MRPL13: variants seen among roughly 807,000 people sequenced by gnomAD.
The protein encoded by MRPL13 is mitochondrial ribosomal protein L13.
Under a neutral mutation model 29.0 loss-of-function variants are expected in MRPL13, and 33 were observed. That is an observed-to-expected ratio of 1.14 (90% CI 0.86 to 1.52). The LOEUF is 1.52. Ranked by LOEUF, MRPL13 falls within the 40% of genes most tolerant of loss-of-function variation. The pLI is 0.00. For synonymous variants in MRPL13, 77 were observed against 68.4 expected (o/e 1.13, Z -0.62); for missense variants, 227 against 216.7 (o/e 1.05, Z -0.30).
At chr8:120,418,388 C>G (rs928534847) in intron 5 of MRPL13, among the ~76,000 whole-genome samples, 5 of 152,022 alleles carry the variant, frequency 3.3e-5, no homozygotes, top group Admixed American at 2.0e-4. Context: ...ATTGCTGGAT[C>G]AAGGATCAAT....
At chr8:120,422,078 T>C (rs1812879769) in intron 4 of MRPL13, among the ~76,000 whole-genome samples, 1 of 151,860 alleles carries the variant, frequency 6.6e-6, no homozygotes, top group Non-Finnish European at 1.5e-5. Flanking sequence ...AAAACAGATA[T>C]AAACAATACA....
intron 6 of MRPL13, among the ~76,000 whole-genome samples, chr8:120,398,890 T>C (rs1453578092): frequency 2.0e-5 from 3 of 151,902 alleles, no homozygotes; most frequent in African/African-American, 7.2e-5. Flanking sequence ...AGACCAAGTA[T>C]CTTTCTCAAA....
chr8:120,421,644 C>A (rs1197255811), intron 4 of MRPL13, among the ~76,000 whole-genome samples: 2 of 151,764 alleles, frequency 1.3e-5, no homozygotes, highest in African/African-American at 4.8e-5. Flanking sequence ...AAATTAAAAT[C>A]CTTTAATGAG....
At chr8:120,432,232 T>C in intron 2 of MRPL13, 109 bp from the exon 3 acceptor site, 1 of 749,018 alleles carries the variant, frequency 1.3e-6, no homozygotes, top group Non-Finnish European at 2.0e-6. Context: ...TATTAAAAAA[T>C]AAAAAGCAAG....
chr8:120,433,145 G>A (rs1270532544), intron 2 of MRPL13, among the ~76,000 whole-genome samples: 4 of 152,030 alleles, frequency 2.6e-5, no homozygotes, highest in Non-Finnish European at 5.9e-5. Flanking sequence ...GAAAGACCTG[G>A]GAAGCTTGCT....
chr8:120,434,706 T>C (rs1261076126), intron 2 of MRPL13, among the ~76,000 whole-genome samples: 1 of 152,102 alleles, frequency 6.6e-6, no homozygotes, highest in East Asian at 1.9e-4. Flanking sequence ...TACTTCCCCA[T>C]GTACCAGCTC....
chr8:120,435,634 T>C (rs181641411), intron 2 of MRPL13, among the ~76,000 whole-genome samples: 6 of 152,270 alleles, frequency 3.9e-5, no homozygotes, highest in Admixed American at 3.9e-4. Flanking sequence ...TGATGACGTA[T>C]CTTTGCTATT....
At chr8:120,413,429 CT>C (rs774969774) in intron 6 of MRPL13, among the ~76,000 whole-genome samples, 1 of 152,080 alleles carries the variant, frequency 6.6e-6, no homozygotes, top group South Asian at 2.1e-4. Flanking sequence ...GAAGGACTGC[CT>C]GAGGAAGTTA....
intron 6 of MRPL13, among the ~76,000 whole-genome samples, chr8:120,403,936 C>T (rs1812635255): frequency 6.6e-6 from 1 of 152,140 alleles, no homozygotes. Context: ...TATGCTTTGC[C>T]ATATCAGCCA....
intron 3 of MRPL13, among the ~76,000 whole-genome samples, chr8:120,425,684 A>C (rs979525814): frequency 1.3e-5 from 2 of 152,190 alleles, no homozygotes; most frequent in African/African-American, 4.8e-5. Context: ...AAGAAATAGA[A>C]ACAAGCCAGA....
At chr8:120,404,279 T>C (rs1812639928) in intron 6 of MRPL13, among the ~76,000 whole-genome samples, 1 of 152,250 alleles carries the variant, frequency 6.6e-6, no homozygotes, top group South Asian at 2.1e-4. Flanking sequence ...GAATTAAATG[T>C]GTTTAGTCAC....
At chr8:120,430,473 A>G (rs1812985702) in intron 3 of MRPL13, among the ~76,000 whole-genome samples, 1 of 152,326 alleles carries the variant, frequency 6.6e-6, no homozygotes, top group East Asian at 1.9e-4. Flanking sequence ...ATACAGTGTT[A>G]TGAGCATAAT....
intron 3 of MRPL13, among the ~76,000 whole-genome samples, chr8:120,426,987 C>T (rs1026979613): frequency 6.6e-6 from 1 of 152,080 alleles, no homozygotes; most frequent in Admixed American, 6.6e-5. Flanking sequence ...ATTCAACCAA[C>T]CCCTAAAAAA....
chr8:120,435,577 T>C (rs1250061708), intron 2 of MRPL13, among the ~76,000 whole-genome samples: 3 of 152,210 alleles, frequency 2.0e-5, no homozygotes, highest in Non-Finnish European at 4.4e-5. Flanking sequence ...ATGGTGTATA[T>C]GTACCACATT....
chr8:120,423,176 G>C (rs1812892958), intron 4 of MRPL13, among the ~76,000 whole-genome samples: 1 of 151,894 alleles, frequency 6.6e-6, no homozygotes, highest in Admixed American at 6.6e-5. Context: ...AATCAGATTA[G>C]ACACAGGTGA....
rs775224954 is a variant in MRPL13 at position 120,414,001 on chromosome 8, A to G, written c.505T>C (p.Leu169=). 9.6e-6 allele frequency: 15 copies of G among 1,558,332 alleles called. No homozygotes were observed. Among genetic ancestry groups the G allele is most frequent in the Non-Finnish European group, 1.3e-5 (15 of 1,159,344 alleles). ...AAGGGAAACACTTACGGAGTCCACAATCTTGGGAAGGCGTCTATTTCTTCT... is the reference window on the plus strand; with the variant it reads ...AAGGGAAACACTTACGGAGTCCACAGTCTTGGGAAGGCGTCTATTTCTTCT... ...TQEEIDAFPR[L]WTPPEDYRL The change falls in exon 6 of 7, where the codon TTG becomes CTG. Residue 169 remains leucine, a synonymous_variant. Transcript: ENST00000306185.
intron 2 of MRPL13, among the ~76,000 whole-genome samples, chr8:120,433,007 A>G (rs576661296): frequency 6.6e-6 from 1 of 152,242 alleles, no homozygotes; most frequent in African/African-American, 2.4e-5. Context: ...GATTCTATGC[A>G]GAGCCCTAAA....
intron 5 of MRPL13, among the ~76,000 whole-genome samples, chr8:120,418,877 C>T (rs1015120697): frequency 6.6e-6 from 1 of 151,958 alleles, no homozygotes; most frequent in Non-Finnish European, 1.5e-5. Flanking sequence ...GACAATAAAT[C>T]AATCATTTTG....
At chr8:120,403,852 ACT>A (rs899122552) in intron 6 of MRPL13, among the ~76,000 whole-genome samples, 2 of 152,154 alleles carry the variant, frequency 1.3e-5, no homozygotes, top group African/African-American at 4.8e-5. Flanking sequence ...GAGTAAAATA[ACT>A]CTACTAGAAT....
Sources: allele counts gnomAD v4.1 joint callset (sites outside exome capture counted in the v4.1 genomes callset), GRCh38; gene constraint gnomAD v4.1.1; transcripts MANE v1.5; gene names NCBI Gene and HGNC (gene_info 2026-07-23, HGNC 2026-07-21).